LIPA: variants seen among roughly 807,000 people sequenced by gnomAD.
The protein encoded by LIPA is lysosomal acid lipase/cholesteryl ester hydrolase.
A neutral mutation model predicts 40.6 loss-of-function variants in LIPA; 26 were observed. The ratio of observed to expected loss-of-function variants is 0.64; its 90% CI spans 0.47 to 0.89. LIPA has a LOEUF of 0.89. Among genes scored for constraint, LIPA ranks in the 40% least tolerant of loss-of-function variants. The pLI is 0.00. For missense variants in LIPA, 455 were observed against 479.6 expected (o/e 0.95, Z 0.48); for synonymous variants, 188 against 168.4 (o/e 1.12, Z -0.90).
chr10:89,392,505 A>G (rs1353472502), intron 2 of LIPA: 1 of 140,156 alleles, frequency 7.1e-6, no homozygotes, highest in Non-Finnish European at 1.4e-5. Context: ...CGCTAGCTTT[A>G]GTTTCACTTT....
chr10:89,402,738 A>C, intron 2 of LIPA: 1 of 1,614,214 alleles, frequency 6.2e-7, no homozygotes, highest in Non-Finnish European at 8.5e-7. Flanking sequence ...GTGTGGAGGA[A>C]AAAATTATGA....
intron 2 of LIPA, among the ~76,000 whole-genome samples, chr10:89,361,592 T>C (rs1002420862): frequency 6.6e-6 from 1 of 152,186 alleles, no homozygotes; most frequent in African/African-American, 2.4e-5. Context: ...GTTCAAAACC[T>C]ATCTAACTGC....
At chr10:89,352,428 A>G (rs1843964233) in intron 2 of LIPA, among the ~76,000 whole-genome samples, 1 of 152,076 alleles carries the variant, frequency 6.6e-6, no homozygotes, top group Non-Finnish European at 1.5e-5. Context: ...ACATGTGCAT[A>G]TTTTCCCTTT....
At chr10:89,232,562 GTGTCCA>G (rs1322962304) in intron 3 of LIPA, among the ~76,000 whole-genome samples, 7 of 152,224 alleles carry the variant, frequency 4.6e-5, no homozygotes, top group African/African-American at 1.7e-4. Context: ...TCAGGGGAGA[GTGTCCA>G]GAGAAAGGCA....
At chr10:89,328,306 G>C (rs546884576) in intron 1 of LIPA, among the ~76,000 whole-genome samples, 1 of 152,134 alleles carries the variant, frequency 6.6e-6, no homozygotes. Context: ...GAACTACATG[G>C]GGGGAGGCAG....
At chr10:89,279,643 G>A (rs1395181963) in intron 1 of LIPA, among the ~76,000 whole-genome samples, 4 of 152,222 alleles carry the variant, frequency 2.6e-5, no homozygotes, top group African/African-American at 7.2e-5. Context: ...TCCTGAGAAA[G>A]TAATAGGAAA....
At chr10:89,278,103 C>T (rs1366987696) in intron 1 of LIPA, 1 of 152,034 alleles carries the variant, frequency 6.6e-6, no homozygotes, top group Non-Finnish European at 1.5e-5. Flanking sequence ...GACCAAGAGC[C>T]CTGGTGGGAC....
intron 2 of LIPA, among the ~76,000 whole-genome samples, chr10:89,374,100 A>G (rs908542838): frequency 6.6e-6 from 1 of 152,170 alleles, no homozygotes; most frequent in Admixed American, 6.5e-5. Flanking sequence ...AAGGTTGTAA[A>G]CCACTGTTCA....
intron 2 of LIPA, among the ~76,000 whole-genome samples, chr10:89,398,468 G>A (rs955876698): frequency 6.6e-6 from 1 of 152,196 alleles, no homozygotes; most frequent in African/African-American, 2.4e-5. Flanking sequence ...CAGTCACCTA[G>A]CTGCTCTTAC....
chr10:89,240,650 C>G (rs1842954299), intron 3 of LIPA, among the ~76,000 whole-genome samples: 1 of 152,108 alleles, frequency 6.6e-6, no homozygotes, highest in Admixed American at 6.5e-5. Context: ...GTCACACAGC[C>G]AGTTAAATAG....
At chr10:89,362,749 C>T (rs934201428) in intron 2 of LIPA, 3 of 727,630 alleles carry the variant, frequency 4.1e-6, no homozygotes, top group Admixed American at 5.1e-5. Flanking sequence ...GAAGGATGGG[C>T]CTTGGCGAAG....
chr10:89,273,775 T>C (rs765640116), intron 1 of LIPA, among the ~76,000 whole-genome samples: 2 of 152,204 alleles, frequency 1.3e-5, no homozygotes, highest in Non-Finnish European at 2.9e-5. Flanking sequence ...CCAGGTATTT[T>C]ATTGGGCCTC....
At chr10:89,297,691 A>C (rs1475469849) in intron 1 of LIPA, among the ~76,000 whole-genome samples, 7 of 152,090 alleles carry the variant, frequency 4.6e-5, no homozygotes, top group African/African-American at 1.7e-4. Context: ...AGCACCACAA[A>C]CTCTGTACTC....
In LIPA at chr10:89,214,998, G is replaced by A. The variant is rs1842604813; in HGVS notation, c.1030C>T (p.His344Tyr). ...LVPTAVWSGG[H>Y]DWLADVYDVN... Reference sequence around the variant, plus strand: ...TCGTAGACATCTGCAAGCCAGTCGTGACCCCCGCTCCAGACTGCAGTCGGC... The same window carrying A: ...TCGTAGACATCTGCAAGCCAGTCGTAACCCCCGCTCCAGACTGCAGTCGGC... Residue 344 changes from histidine to tyrosine, a missense_variant, in exon 10 of 10, where the codon CAC (histidine) becomes TAC (tyrosine). Physicochemically the swap from His to Tyr is moderately conservative, Grantham distance 83 (BLOSUM62 2). Coordinates refer to ENST00000336233, the MANE Select transcript of LIPA (RefSeq NM_000235.4). 1.2e-6 allele frequency: 2 copies of A among 1,614,046 alleles called. No homozygotes were observed. The highest frequency in any genetic ancestry group is 2.7e-5 in the African/African-American group (2 of 74,930).
At chr10:89,334,053 T>C (rs1843691491) in intron 1 of LIPA, among the ~76,000 whole-genome samples, 1 of 152,222 alleles carries the variant, frequency 6.6e-6, no homozygotes, top group Admixed American at 6.5e-5. Context: ...AACCAGCACA[T>C]GCTGGGGACA....
chr10:89,225,150 A>G lies in LIPA; in HGVS notation c.617T>C (p.Val206Ala). ...MFFALGPVASVAFCTSPMAKL... is the reference protein window; with the variant it reads ...MFFALGPVASAAFCTSPMAKL... Reference sequence around the variant, plus strand: ...GGCCATAGGGCTAGTACAGAAGGCGACGGAAGCCACAGGACCCAGGGCAAA... The same window carrying G: ...GGCCATAGGGCTAGTACAGAAGGCGGCGGAAGCCACAGGACCCAGGGCAAA... The change falls in exon 6 of 10, where the codon GTC becomes GCC. Residue 206 changes from valine (V) to alanine (A), a missense_variant. By Grantham distance (64) the Val-to-Ala change is moderately conservative. Coordinates refer to ENST00000336233, the MANE Select transcript of LIPA (RefSeq NM_000235.4). The G allele has an allele frequency of 1.2e-6, 2 of 1,614,192 alleles. No homozygotes were observed. The highest frequency in any genetic ancestry group is 1.7e-6 in the Non-Finnish European group (2 of 1,180,010).
At chr10:89,363,733 T>C (rs576228265) in intron 2 of LIPA, among the ~76,000 whole-genome samples, 4 of 124,304 alleles carry the variant, frequency 3.2e-5, no homozygotes, top group Non-Finnish European at 4.7e-5. Flanking sequence ...GCTAAGATCA[T>C]GCCACTGTAC....
chr10:89,231,697 C>G (rs529805869), intron 3 of LIPA, among the ~76,000 whole-genome samples: 4 of 152,192 alleles, frequency 2.6e-5, no homozygotes, highest in Non-Finnish European at 5.9e-5. Context: ...AGGCTGGTCT[C>G]AAACTCCTGG....
At chr10:89,352,788 T>TAA (rs34514402) in intron 2 of LIPA, among the ~76,000 whole-genome samples, 1,158 of 113,096 alleles carry the variant, frequency 0.01, 8 homozygotes, top group African/African-American at 0.017. Flanking sequence ...ACTACAAAGA[T>TAA]AAAAAAAAAA....
Sources: allele counts gnomAD v4.1 joint callset (sites outside exome capture counted in the v4.1 genomes callset), GRCh38; gene constraint gnomAD v4.1.1; transcripts MANE v1.5; gene names NCBI Gene and HGNC (gene_info 2026-07-23, HGNC 2026-07-21).